The following PCDH7 variants were observed in gnomAD, a reference collection of about 807,000 sequenced individuals.
The protein encoded by PCDH7 is protocadherin 7.
In PCDH7, 17 loss-of-function variants were observed where a neutral mutation model predicts 58.9. The ratio of observed to expected loss-of-function variants is 0.29; its 90% CI spans 0.20 to 0.43. The LOEUF (loss-of-function observed/expected upper bound fraction) is 0.43. Ranked by LOEUF, PCDH7 falls within the 20% of genes least tolerant of loss-of-function variation. PCDH7 has a pLI of 1.00. For synonymous variants in PCDH7, 664 were observed against 616.4 expected, an observed-to-expected ratio of 1.08 and a Z score of -1.14; for missense variants, 1,274 against 1,441.0, an observed-to-expected ratio of 0.88 and a Z score of 1.88.
At chr4:31,048,948 A>G (rs1274859836) in intron 3 of PCDH7, among the ~76,000 whole-genome samples, 1 of 152,156 alleles carries the variant, frequency 6.6e-6, no homozygotes, top group Non-Finnish European at 1.5e-5. Context: ...TGATATGTAT[A>G]ATTCAACTGT....
chr4:30,997,941 A>G (rs1752047355), intron 3 of PCDH7, among the ~76,000 whole-genome samples: 1 of 152,086 alleles, frequency 6.6e-6, no homozygotes, highest in South Asian at 2.1e-4. Flanking sequence ...GCAAATAAAA[A>G]TAAGCCTCTA....
intron 3 of PCDH7, among the ~76,000 whole-genome samples, chr4:31,023,242 C>T (rs1754169214): frequency 6.6e-6 from 1 of 152,160 alleles, no homozygotes; most frequent in South Asian, 2.1e-4. Flanking sequence ...TTATTGGCAA[C>T]ACCAGAATCG....
At chr4:31,015,118 T>A (rs1228938181) in intron 3 of PCDH7, among the ~76,000 whole-genome samples, 1 of 152,320 alleles carries the variant, frequency 6.6e-6, no homozygotes, top group East Asian at 1.9e-4. Context: ...TATATGTCAA[T>A]GGCTGACCCT....
intron 1 of PCDH7, among the ~76,000 whole-genome samples, chr4:30,750,059 C>A (rs183066031): frequency 5.3e-5 from 8 of 152,176 alleles, no homozygotes; most frequent in Admixed American, 5.2e-4. Flanking sequence ...GTTGCTAAAC[C>A]TCCTATAAGG....
intron 3 of PCDH7, among the ~76,000 whole-genome samples, chr4:31,068,751 G>C (rs965284605): frequency 6.6e-6 from 1 of 151,976 alleles, no homozygotes; most frequent in Non-Finnish European, 1.5e-5. Flanking sequence ...GGCTGTGTCT[G>C]TTGAACTCCA....
At chr4:30,985,232 C>T (rs1750871777) in intron 3 of PCDH7, among the ~76,000 whole-genome samples, 3 of 152,324 alleles carry the variant, frequency 2.0e-5, no homozygotes, top group South Asian at 4.1e-4. Flanking sequence ...GCTGGGATTA[C>T]AGGCATGAGC....
chr4:30,830,545 G>T (rs867201297), intron 1 of PCDH7, among the ~76,000 whole-genome samples: 15 of 151,364 alleles, frequency 9.9e-5, no homozygotes, highest in African/African-American at 3.2e-4. Context: ...CTTTCCTTCC[G>T]TGTCTGGCTC....
At chr4:30,881,191 G>A (rs1373594135) in intron 1 of PCDH7, among the ~76,000 whole-genome samples, 4 of 151,954 alleles carry the variant, frequency 2.6e-5, no homozygotes. Context: ...TGGAGCTTTT[G>A]GTGCCGTCAG....
intron 2 of PCDH7, among the ~76,000 whole-genome samples, chr4:30,942,078 C>A (rs981470956): frequency 6.6e-6 from 1 of 151,726 alleles, no homozygotes; most frequent in Non-Finnish European, 1.5e-5. Flanking sequence ...GTTTGGAGAC[C>A]ATGTTTTCTT....
chr4:31,058,634 G>C (rs1343266108), intron 3 of PCDH7, among the ~76,000 whole-genome samples: 1 of 151,832 alleles, frequency 6.6e-6, no homozygotes, highest in Non-Finnish European at 1.5e-5. Flanking sequence ...TAATTAAGGA[G>C]GTAAAAGACC....
intron 3 of PCDH7, among the ~76,000 whole-genome samples, chr4:31,106,522 T>C (rs1407069453): frequency 2.6e-5 from 4 of 152,234 alleles, no homozygotes; most frequent in African/African-American, 9.6e-5. Flanking sequence ...GGAGGTTTTA[T>C]ACTCTGCTCC....
chr4:31,054,578 T>C (rs1049806943), intron 3 of PCDH7, among the ~76,000 whole-genome samples: 3 of 152,184 alleles, frequency 2.0e-5, no homozygotes, highest in African/African-American at 7.2e-5. Flanking sequence ...TTCTAACACA[T>C]TGGAAAATTC....
At chr4:31,018,145 G>A (rs933780515) in intron 3 of PCDH7, among the ~76,000 whole-genome samples, 3 of 152,158 alleles carry the variant, frequency 2.0e-5, no homozygotes, top group African/African-American at 4.8e-5. Context: ...TTATCAGCAT[G>A]TGGTGATTGA....
At chr4:30,866,697 C>CA (rs201849602) in intron 1 of PCDH7, among the ~76,000 whole-genome samples, 10,951 of 127,718 alleles carry the variant, frequency 0.086, 519 homozygotes, top group East Asian at 0.16. Context: ...GAATCTCTGG[C>CA]AAAAAAAAAA....
At chr4:31,116,910 A>C (rs1288747026) in intron 3 of PCDH7, among the ~76,000 whole-genome samples, 4 of 152,106 alleles carry the variant, frequency 2.6e-5, no homozygotes, top group Non-Finnish European at 5.9e-5. Flanking sequence ...ATCTCGGCTC[A>C]CTGCAACCTC....
At chr4:31,030,530 T>C (rs1754816088) in intron 3 of PCDH7, among the ~76,000 whole-genome samples, 2 of 152,212 alleles carry the variant, frequency 1.3e-5, no homozygotes. Flanking sequence ...TATTTACATA[T>C]AATTTTAATC....
chr4:30,957,040 G>C (rs758596136), intron 3 of PCDH7, among the ~76,000 whole-genome samples: 9 of 152,120 alleles, frequency 5.9e-5, no homozygotes, highest in Admixed American at 2.0e-4. Flanking sequence ...AGTAAAAACA[G>C]TAAAAAACAA....
chr4:31,056,651 AGAGAGAGAG>A (rs947109687), intron 3 of PCDH7, among the ~76,000 whole-genome samples: 9 of 148,820 alleles, frequency 6.0e-5, no homozygotes, highest in African/African-American at 2.2e-4. Context: ...AGAGAGAGAA[AGAGAGAGAG>A]GAGAGAGAGA....
intron 2 of PCDH7, among the ~76,000 whole-genome samples, chr4:30,920,693 A>G (rs1743082981): frequency 6.6e-6 from 1 of 152,158 alleles, no homozygotes; most frequent in Non-Finnish European, 1.5e-5. Flanking sequence ...GTCTTGTCTA[A>G]TTGTTTTCTT....
Sources: gnomAD v4.1 joint callset for allele counts (sites outside exome capture counted in the v4.1 genomes callset) on GRCh38, gnomAD v4.1.1 for gene constraint, MANE v1.5 for transcripts, NCBI Gene and HGNC (gene_info 2026-07-23, HGNC 2026-07-21) for gene names.